AKIRIN2: variants seen among roughly 807,000 people sequenced by gnomAD.
AKIRIN2 encodes akirin-2.
AKIRIN2 carries 6 observed loss-of-function variants against 29.3 expected under a neutral mutation model. The ratio of observed to expected loss-of-function variants is 0.20; its 90% CI spans 0.11 to 0.40. AKIRIN2 has a LOEUF of 0.40. AKIRIN2 is among the 10% of genes least tolerant of loss of function. The pLI is 1.00. For synonymous variants in AKIRIN2, 128 were observed against 117.5 expected (o/e 1.09, Z -0.58); for missense variants, 210 against 276.1 (o/e 0.76, Z 1.70).
Position 87,675,871 on chromosome 6 carries a change from T to C in AKIRIN2, c.590A>G (p.Gln197Arg). Reference protein sequence around the residue: ...HDQIMRRYGEQPASYVS With the variant: ...HDQIMRRYGERPASYVS ...GGTGAAATACTTACAGCTAGCAGGC[T>C]GTTCTCCATATCGTCGCATTATTTG... is the stretch of plus-strand genomic sequence containing the variant. Residue 197 changes from glutamine (Q) to arginine (R), a missense_variant, in exon 4 of 5, where the codon CAG becomes CGG. Coordinates refer to ENST00000257787, the MANE Select transcript of AKIRIN2 (RefSeq NM_018064.4). 6.2e-7 allele frequency: 1 copy of C among 1,613,704 alleles called. No homozygotes were observed. Among genetic ancestry groups the C allele is most frequent in the Non-Finnish European group, 8.5e-7 (1 of 1,179,826 alleles).
At chr6:87,680,816 C>T (rs1379505249) in intron 2 of AKIRIN2, among the ~76,000 whole-genome samples, 2 of 141,412 alleles carry the variant, frequency 1.4e-5, no homozygotes, top group Non-Finnish European at 3.0e-5. Flanking sequence ...TGCAAACATT[C>T]CCCCCAACAA....
chr6:87,676,687 G>A (rs1771005672), intron 3 of AKIRIN2, among the ~76,000 whole-genome samples: 1 of 151,608 alleles, frequency 6.6e-6, no homozygotes, highest in East Asian at 1.9e-4. Context: ...GGTTAAGGCA[G>A]GAGAATCGCT....
chr6:87,675,795 A>G (rs919030871), intron 4 of AKIRIN2, 65 bp downstream of exon 4: 2 of 1,511,804 alleles, frequency 1.3e-6, no homozygotes, highest in African/African-American at 2.8e-5. Flanking sequence ...GAAAATAATT[A>G]TAATGTCTTC....
chr6:87,681,670 G>A lies in AKIRIN2; in HGVS notation c.329C>T (p.Thr110Ile), dbSNP rs1235873828. The A allele has an allele frequency of 3.1e-6, 5 of 1,613,566 alleles. No individual in the cohort carries two copies. In the Admixed American group the frequency reaches 5.0e-5, roughly 16 times the overall value. Residue 110 changes from threonine to isoleucine, a missense_variant, in exon 2 of 5, where the codon ACT becomes ATT. Thr to Ile is a moderately conservative substitution (Grantham distance 89, BLOSUM62 -1). This residue lies in a region of AKIRIN2 where 199 missense variants were observed against 236.5 expected (regional missense o/e 0.84). Transcript: ENST00000257787. ...AAATGCATGTGGCTGTGCATCAGAA[G>A]TACAACACGGATCTGTCTGTTGGAA... Reference protein sequence around the residue: ...TSFQQTDPCCTSDAQPHAFLL... With the variant: ...TSFQQTDPCCISDAQPHAFLL...
chr6:87,678,111 G>T, intron 2 of AKIRIN2, 144 bp from the exon 3 acceptor site: 1 of 722,654 alleles, frequency 1.4e-6, no homozygotes, highest in Non-Finnish European at 2.1e-6. Context: ...CATTTCACAA[G>T]TCTTAAAACA....
At chr6:87,680,283 ATTTTTTTTT>A (rs10563070) in intron 2 of AKIRIN2, among the ~76,000 whole-genome samples, 7 of 79,578 alleles carry the variant, frequency 8.8e-5, no homozygotes, top group South Asian at 4.5e-4. Context: ...ATGGTCTTTG[ATTTTTTTTT>A]TTTTTTTTTT....
chr6:87,686,830 G>C (rs559151836), intron 1 of AKIRIN2, among the ~76,000 whole-genome samples: 13 of 152,044 alleles, frequency 8.6e-5, no homozygotes, highest in Non-Finnish European at 1.9e-4. Context: ...CGGATCACCT[G>C]AGGTCAGGAG....
intron 2 of AKIRIN2, among the ~76,000 whole-genome samples, chr6:87,681,031 C>T (rs1771111228): frequency 6.6e-6 from 1 of 151,576 alleles, no homozygotes; most frequent in Admixed American, 6.6e-5. Flanking sequence ...AAGGAGCATA[C>T]AGTATTGTTA....
chr6:87,690,596 A>T (rs1771264105), intron 1 of AKIRIN2, among the ~76,000 whole-genome samples: 1 of 152,218 alleles, frequency 6.6e-6, no homozygotes, highest in Non-Finnish European at 1.5e-5. Flanking sequence ...AAAAAAGGAA[A>T]TTCATATTCG....
chr6:87,688,285 C>T (rs1471523492), intron 1 of AKIRIN2, among the ~76,000 whole-genome samples: 2 of 152,114 alleles, frequency 1.3e-5, no homozygotes, highest in Non-Finnish European at 2.9e-5. Context: ...GTGCCCGCCA[C>T]TATGCCCAGC....
intron 1 of AKIRIN2, among the ~76,000 whole-genome samples, chr6:87,694,816 A>G (rs907361862): frequency 1.3e-5 from 2 of 152,220 alleles, no homozygotes; most frequent in Admixed American, 6.5e-5. Context: ...ATCACAAGAA[A>G]TATTACAAAA....
At chr6:87,696,274 A>G (rs77264312) in intron 1 of AKIRIN2, among the ~76,000 whole-genome samples, 2,450 of 152,266 alleles carry the variant, frequency 0.016, 70 homozygotes, top group African/African-American at 0.054. Flanking sequence ...TCTCCTTTAC[A>G]TCTCAGGTTA....
At chr6:87,691,613 A>G (rs1582123547) in intron 1 of AKIRIN2, among the ~76,000 whole-genome samples, 1 of 152,240 alleles carries the variant, frequency 6.6e-6, no homozygotes, top group Non-Finnish European at 1.5e-5. Flanking sequence ...GCATGGAGCT[A>G]AAGCTAGAAC....
intron 1 of AKIRIN2, among the ~76,000 whole-genome samples, chr6:87,700,268 A>AAC (rs907198108): frequency 4.6e-4 from 2 of 4,374 alleles, no homozygotes; most frequent in Non-Finnish European, 1.5e-3. Flanking sequence ...TAAATGTGAC[A>AAC]AAAAAAAAAA....
At chr6:87,686,113 G>A (rs1243370455) in intron 1 of AKIRIN2, among the ~76,000 whole-genome samples, 1 of 152,144 alleles carries the variant, frequency 6.6e-6, no homozygotes, top group East Asian at 1.9e-4. Flanking sequence ...TACTTGGGAG[G>A]CAGAGGCAGG....
chr6:87,698,413 T>C (rs577076341), intron 1 of AKIRIN2, among the ~76,000 whole-genome samples: 1 of 151,280 alleles, frequency 6.6e-6, no homozygotes, highest in South Asian at 2.1e-4. Context: ...TGTGTTCCAA[T>C]AAAATTTTAT....
At chr6:87,690,129 T>C (rs1314776960) in intron 1 of AKIRIN2, among the ~76,000 whole-genome samples, 1 of 151,386 alleles carries the variant, frequency 6.6e-6, no homozygotes, top group African/African-American at 2.4e-5. Flanking sequence ...TCGCTTGAGC[T>C]TGGGAGGCAG....
intron 1 of AKIRIN2, among the ~76,000 whole-genome samples, chr6:87,693,146 T>C (rs1382142787): frequency 6.6e-6 from 1 of 151,808 alleles, no homozygotes; most frequent in Admixed American, 6.6e-5. Flanking sequence ...GGAGAATCAC[T>C]TGAACCCAGA....
rs1562397590 is a variant in AKIRIN2, at chr6:87,681,737, CTTGTT to C, written c.257_261del (p.Lys86ArgfsTer3). On this transcript the variant is annotated frameshift_variant, in exon 2 of 5. Coordinates refer to ENST00000257787, the MANE Select transcript of AKIRIN2 (RefSeq NM_018064.4). LOFTEE classifies it high-confidence loss of function. ...CTTCTCTTCTGCATTCGTTTATACTCTTGTTTTATGTTGTACAGAATTTGTTCTAA... is the reference window on the plus strand; with the variant it reads ...CTTCTCTTCTGCATTCGTTTATACTCTTATGTTGTACAGAATTTGTTCTAA... The C allele has an allele frequency of 6.2e-7, 1 of 1,606,514 alleles. No individual in the cohort carries two copies.
Sources: gnomAD v4.1 joint callset for allele counts (sites outside exome capture counted in the v4.1 genomes callset) on GRCh38, gnomAD v4.1.1 for gene constraint, gnomAD v4.1.1 regional missense constraint, MANE v1.5 for transcripts, NCBI Gene and HGNC (gene_info 2026-07-23, HGNC 2026-07-21) for gene names.